The following TANC1 variants were observed in gnomAD, a reference collection of about 807,000 sequenced individuals.
TANC1 encodes the protein tetratricopeptide repeat, ankyrin repeat and coiled-coil containing 1.
Under a neutral mutation model 149.7 loss-of-function variants are expected in TANC1, and 77 were observed. The ratio of observed to expected loss-of-function variants is 0.51; its 90% CI spans 0.43 to 0.62. The LOEUF is 0.62. TANC1 is among the 20% of genes least tolerant of loss of function. TANC1 has a pLI of 0.00. For synonymous variants in TANC1, 854 were observed against 925.0 expected, an observed-to-expected ratio of 0.92 and a Z score of 1.39; for missense variants, 1,985 against 2,321.8, an observed-to-expected ratio of 0.85 and a Z score of 2.98.
chr2:159,228,659 T>C, intron 25 of TANC1, 137 bp from the exon 26 acceptor site: 4 of 670,044 alleles, frequency 6.0e-6, no homozygotes, highest in East Asian at 2.5e-5. Flanking sequence ...TAAAACAAGA[T>C]AGAAAACGGA....
intron 13 of TANC1, among the ~76,000 whole-genome samples, chr2:159,177,915 CTG>C (rs1349536617): frequency 3.3e-5 from 5 of 152,316 alleles, no homozygotes; most frequent in African/African-American, 4.8e-5. Flanking sequence ...ATTAGTGACA[CTG>C]TGCAATTGTC....
intron 16 of TANC1, among the ~76,000 whole-genome samples, chr2:159,191,771 C>G (rs1472666516): frequency 6.6e-6 from 1 of 152,154 alleles, no homozygotes; most frequent in African/African-American, 2.4e-5. Flanking sequence ...ACATCTATCA[C>G]TGAAATACCA....
chr2:159,204,390 C>T (rs532208878), intron 19 of TANC1, among the ~76,000 whole-genome samples: 88 of 152,306 alleles, frequency 5.8e-4, no homozygotes, highest in African/African-American at 2.0e-3. Context: ...GCCAAGTCCT[C>T]GGTGGGGCAC....
chr2:159,138,824 C>T (rs1366991956), intron 5 of TANC1, among the ~76,000 whole-genome samples: 1 of 152,180 alleles, frequency 6.6e-6, no homozygotes, highest in Non-Finnish European at 1.5e-5. Context: ...CGTGAAATAG[C>T]AGGTTATTCC....
At position 159,178,909 on chromosome 2, in the gene TANC1, G is replaced by A; in HGVS notation, c.2256G>A (p.Glu752=). 6.2e-7 allele frequency: 1 copy of A among 1,614,202 alleles called. No individual in the cohort carries two copies. The highest frequency in any genetic ancestry group is 1.3e-5 in the African/African-American group (1 of 75,044). ...NMKFMTQSAF[E]RALPILNVAL... ...AGTTCATGACCCAGTCCGCCTTTGA[G>A]AGGGCACTTCCGATTCTCAACGTGG... Residue 752 remains glutamate, a synonymous_variant, in exon 14 of 27, where the codon GAG becomes GAA. Coordinates refer to ENST00000263635, the MANE Select transcript of TANC1 (RefSeq NM_033394.3).
At chr2:158,980,550 G>A (rs1448615544) in intron 1 of TANC1, among the ~76,000 whole-genome samples, 1 of 152,108 alleles carries the variant, frequency 6.6e-6, no homozygotes, top group Non-Finnish European at 1.5e-5. Flanking sequence ...GCCGAAGTGG[G>A]CAGATCACGA....
intron 4 of TANC1, among the ~76,000 whole-genome samples, chr2:159,105,685 T>G (rs1188010036): frequency 6.6e-6 from 1 of 152,188 alleles, no homozygotes; most frequent in African/African-American, 2.4e-5. Context: ...TCCCCCAGCA[T>G]TGGACAGGTA....
At chr2:159,226,219 C>T (rs2060018277) in intron 24 of TANC1, 2 of 178,774 alleles carry the variant, frequency 1.1e-5, no homozygotes, top group Non-Finnish European at 2.3e-5. Context: ...GCCTCATGCC[C>T]GTTGTTGGCT....
At chr2:159,065,760 T>C (rs1194101969) in intron 2 of TANC1, 136 bp from the exon 3 acceptor site, 3 of 591,238 alleles carry the variant, frequency 5.1e-6, no homozygotes, top group Non-Finnish European at 9.0e-6. Flanking sequence ...TCAAAGAAAA[T>C]TAATGTAAGG....
At chr2:159,155,161 G>A (rs377295418) in intron 7 of TANC1, among the ~76,000 whole-genome samples, 20 of 152,140 alleles carry the variant, frequency 1.3e-4, no homozygotes, top group African/African-American at 3.1e-4. Context: ...TGTACATATC[G>A]TGATAAAATT....
Position 158,970,800 on chromosome 2 carries a change from A to T in TANC1, c.-126+2018A>T, listed in dbSNP as rs1233893582. Among the ~76,000 whole-genome samples the T allele has an allele frequency of 2.0e-5, 3 of 152,232 alleles. No individual in the cohort carries two copies. In the East Asian group the frequency reaches 5.8e-4, roughly 29 times the overall value. On this transcript the variant is annotated intron_variant, in intron 1 of 26. Transcript: ENST00000263635. Reference sequence around the variant, plus strand: ...ATTTTAGTGGAAGCAGGAAAAGTCCACAAATAAATTTAAGGTGAGTTTTTA... The same window carrying T: ...ATTTTAGTGGAAGCAGGAAAAGTCCTCAAATAAATTTAAGGTGAGTTTTTA...
intron 21 of TANC1, 154 bp from the exon 22 acceptor site, chr2:159,219,538 T>C: frequency 8.1e-7 from 1 of 1,242,146 alleles, no homozygotes; most frequent in South Asian, 1.4e-5. Context: ...TCAGCAGCGA[T>C]GACCATTCTG....
chr2:159,227,741 C>A, intron 24 of TANC1, 78 bp from the exon 25 acceptor site: 1 of 1,517,494 alleles, frequency 6.6e-7, no homozygotes, highest in Non-Finnish European at 9.0e-7. Context: ...GTAAACTCCC[C>A]ACGGTGTTCC....
intron 10 of TANC1, 97 bp downstream of exon 10, chr2:159,170,902 T>C: frequency 7.5e-7 from 1 of 1,333,428 alleles, no homozygotes; most frequent in South Asian, 1.4e-5. Flanking sequence ...TTTCCTCAAG[T>C]TGTTGCAGCT....
rs149955145 is a variant in TANC1, at chr2:158,976,139, A to G, written c.-126+7357A>G. On this transcript the variant is annotated intron_variant, in intron 1 of 26. Transcript: ENST00000263635. The stretch of plus-strand genomic sequence containing the variant: ...GTGAGCCACTGTGCCCAGCCTCATT[A>G]TTGTTTAAGATCAGTGGTCCCCAGA... 9.1e-3 allele frequency among the ~76,000 whole-genome samples: 1,384 copies of G among 152,296 alleles called. 14 individuals carry two copies. Among genetic ancestry groups the G allele is most frequent in the Non-Finnish European group, 9.7e-3 (659 of 68,012 alleles).
At chr2:159,071,270 T>G (rs561172481) in intron 3 of TANC1, among the ~76,000 whole-genome samples, 28 of 152,342 alleles carry the variant, frequency 1.8e-4, no homozygotes, top group African/African-American at 6.3e-4. Context: ...ATAGACTGAT[T>G]AAGGAATAGT....
intron 3 of TANC1, among the ~76,000 whole-genome samples, chr2:159,089,523 C>T (rs1468406197): frequency 6.6e-6 from 1 of 152,124 alleles, no homozygotes; most frequent in Non-Finnish European, 1.5e-5. Flanking sequence ...CTGTTTTCTT[C>T]CCTGTCCTCC....
At chr2:159,218,738 C>T (rs2059502331) in intron 20 of TANC1, among the ~76,000 whole-genome samples, 1 of 152,216 alleles carries the variant, frequency 6.6e-6, no homozygotes, top group Non-Finnish European at 1.5e-5. Flanking sequence ...GTTGCCTTCC[C>T]CGAAGGGCAT....
At chr2:158,980,501 G>A (rs1226866193) in intron 1 of TANC1, among the ~76,000 whole-genome samples, 1 of 152,074 alleles carries the variant, frequency 6.6e-6, no homozygotes. Flanking sequence ...TTTGGGCTGG[G>A]CGCGGTGGCT....
Sources: allele counts gnomAD v4.1 joint callset (sites outside exome capture counted in the v4.1 genomes callset), GRCh38; gene constraint gnomAD v4.1.1; transcripts MANE v1.5; gene names NCBI Gene and HGNC (gene_info 2026-07-23, HGNC 2026-07-21).